ANK3: variants seen among roughly 807,000 people sequenced by gnomAD.
The protein encoded by ANK3 is ankyrin 3.
ANK3 carries 57 observed loss-of-function variants against 370.9 expected under a neutral mutation model. That is an observed-to-expected ratio of 0.15 (90% CI 0.12 to 0.19). ANK3 has a LOEUF of 0.19. Ranked by LOEUF, ANK3 falls within the 10% of genes least tolerant of loss-of-function variation. The pLI, the probability that ANK3 is intolerant of heterozygous loss-of-function variation, is 1.00. For missense variants in ANK3, 4,439 were observed against 5,302.1 expected (o/e 0.84, Z 5.06); for synonymous variants, 1,929 against 1,946.3 (o/e 0.99, Z 0.23).
At position 60,026,359 on chromosome 10, in the gene ANK3, G is replaced by T. The variant is rs1303330022; in HGVS notation, c.*3487C>A. On this transcript the variant is annotated 3_prime_UTR_variant, in exon 44 of 44. Transcript: ENST00000280772. ...AATTTGATCAATTCATGAAACAGAA[G>T]CAGTGTGATATGCCTGGGAAATTAC... 1 of 152,188 alleles carries T rather than the reference G, an allele frequency of 6.6e-6. No individual in the cohort carries two copies. The highest frequency in any genetic ancestry group is 1.5e-5 in the Non-Finnish European group (1 of 68,042). 9.4% of individuals were successfully genotyped at this position (152,188 alleles called of 1,614,324 possible).
intron 1 of ANK3, among the ~76,000 whole-genome samples, chr10:60,639,013 T>G (rs1271401662): frequency 1.9e-4 from 29 of 152,006 alleles, no homozygotes; most frequent in Non-Finnish European, 1.3e-4. Context: ...CCTATAGATT[T>G]TAGAAGTTCA....
intron 1 of ANK3, among the ~76,000 whole-genome samples, chr10:60,695,476 T>A (rs1029515204): frequency 1.3e-5 from 2 of 151,988 alleles, no homozygotes; most frequent in African/African-American, 4.8e-5. Context: ...CCACACCTAT[T>A]CCAAAATTGA....
chr10:60,718,495 G>A (rs1008050446), intron 1 of ANK3, among the ~76,000 whole-genome samples: 1 of 151,888 alleles, frequency 6.6e-6, no homozygotes, highest in African/African-American at 2.4e-5. Flanking sequence ...GATGAGGACA[G>A]GGCTACTTAA....
chr10:60,038,146 A>C (rs1459491621), intron 43 of ANK3, among the ~76,000 whole-genome samples: 2 of 152,140 alleles, frequency 1.3e-5, no homozygotes, highest in Non-Finnish European at 2.9e-5. Flanking sequence ...CCCGTAATTC[A>C]AGCACTTTGG....
chr10:60,062,963 G>C, intron 40 of ANK3, 148 bp downstream of exon 40: 1 of 718,122 alleles, frequency 1.4e-6, no homozygotes, highest in Non-Finnish European at 2.2e-6. Context: ...TCTGATATCA[G>C]AGTGTTTATT....
chr10:60,693,020 A>G (rs2079379171), intron 1 of ANK3, among the ~76,000 whole-genome samples: 1 of 152,212 alleles, frequency 6.6e-6, no homozygotes, highest in Non-Finnish European at 1.5e-5. Context: ...AGTGCCAGAC[A>G]GTGGGCGCAG....
intron 2 of ANK3, among the ~76,000 whole-genome samples, chr10:60,610,494 C>T (rs1051572766): frequency 3.4e-4 from 37 of 108,904 alleles, no homozygotes; most frequent in Non-Finnish European, 3.8e-4. Flanking sequence ...GCCTGGGCAA[C>T]GAGAGCGGAA....
chr10:60,047,396 C>T (rs1589221218), intron 42 of ANK3, among the ~76,000 whole-genome samples: 1 of 152,098 alleles, frequency 6.6e-6, no homozygotes, highest in South Asian at 2.1e-4. Context: ...TGAAATGTAC[C>T]AATTTGCTTT....
At chr10:60,677,259 A>G (rs2079137400) in intron 1 of ANK3, among the ~76,000 whole-genome samples, 1 of 152,236 alleles carries the variant, frequency 6.6e-6, no homozygotes, top group Non-Finnish European at 1.5e-5. Context: ...AATGACCACA[A>G]TTTAGTGAGA....
upstream of ANK3, among the ~76,000 whole-genome samples, chr10:60,392,670 TATA>T (rs2063136658): frequency 6.6e-6 from 1 of 152,186 alleles, no homozygotes; most frequent in Non-Finnish European, 1.5e-5. Context: ...GGCTCATGCC[TATA>T]ATCCCAGCAC....
chr10:60,491,769 A>G (rs926669975), intron 2 of ANK3, among the ~76,000 whole-genome samples: 4 of 152,156 alleles, frequency 2.6e-5, no homozygotes, highest in Admixed American at 6.5e-5. Flanking sequence ...CAGACTGCCT[A>G]AGGTCAAATC....
chr10:60,453,658 C>T (rs1033572466), intron 2 of ANK3, among the ~76,000 whole-genome samples: 3 of 152,052 alleles, frequency 2.0e-5, no homozygotes, highest in African/African-American at 7.2e-5. Flanking sequence ...TGTACTCTGA[C>T]TGAAAATGGA....
chr10:60,102,977 A>C (rs184436257), intron 28 of ANK3, among the ~76,000 whole-genome samples: 12 of 152,096 alleles, frequency 7.9e-5, no homozygotes, highest in Middle Eastern at 6.8e-3. Flanking sequence ...TTTCTGAGAC[A>C]AAGTCTTGCT....
At chr10:60,674,548 T>C (rs78343291) in intron 1 of ANK3, among the ~76,000 whole-genome samples, 7,988 of 152,256 alleles carry the variant, frequency 0.052, 294 homozygotes, top group African/African-American at 0.088. Context: ...GGAATCTGCC[T>C]GCATGACCCA....
chr10:60,711,525 T>C (rs752067809), intron 1 of ANK3, among the ~76,000 whole-genome samples: 1 of 151,094 alleles, frequency 6.6e-6, no homozygotes, highest in Non-Finnish European at 1.5e-5. Flanking sequence ...CAAAATAAAA[T>C]ACAAAGAGAA....
At chr10:60,172,485 T>G in intron 20 of ANK3, 82 bp from the exon 21 acceptor site, 1 of 1,099,680 alleles carries the variant, frequency 9.1e-7, no homozygotes, top group South Asian at 1.3e-5. Flanking sequence ...AAGGTGAGTG[T>G]CTCATCAGAC....
chr10:60,582,109 T>G (rs1041402821), intron 2 of ANK3, among the ~76,000 whole-genome samples: 1 of 151,674 alleles, frequency 6.6e-6, no homozygotes. Context: ...CATCACACAC[T>G]GGGGCTTGTC....
chr10:60,645,705 A>G (rs1230548842), intron 1 of ANK3, among the ~76,000 whole-genome samples: 3 of 152,016 alleles, frequency 2.0e-5, no homozygotes, highest in Admixed American at 6.6e-5. Flanking sequence ...AGCCTGGTCA[A>G]CAGAGTGAGA....
intron 25 of ANK3, among the ~76,000 whole-genome samples, chr10:60,123,405 C>T (rs2132143483): frequency 6.6e-6 from 1 of 152,260 alleles, no homozygotes; most frequent in East Asian, 1.9e-4. Context: ...AGAACAAGTA[C>T]ACACTGGCCT....
Sources: gnomAD v4.1 joint callset for allele counts (sites outside exome capture counted in the v4.1 genomes callset) on GRCh38, gnomAD v4.1.1 for gene constraint, MANE v1.5 for transcripts, NCBI Gene and HGNC (gene_info 2026-07-23, HGNC 2026-07-21) for gene names.